The following ZMYM2 variants were observed in gnomAD, a reference collection of about 807,000 sequenced individuals.
ZMYM2 encodes zinc finger MYM-type containing 2, also known as zinc finger MYM-type protein 2.
Under a neutral mutation model 162.8 loss-of-function variants are expected in ZMYM2, and 56 were observed. That is an observed-to-expected ratio of 0.34 (90% CI 0.28 to 0.43). The LOEUF is 0.43. ZMYM2 is among the 20% of genes least tolerant of loss of function. The pLI, the probability that ZMYM2 is intolerant of heterozygous loss-of-function variation, is 1.00. For missense variants in ZMYM2, 1,275 were observed against 1,621.8 expected (o/e 0.79, Z 3.67); for synonymous variants, 510 against 541.6 (o/e 0.94, Z 0.81).
At chr13:19,898,938 T>C in the ZMYM2 span, among the ~76,000 whole-genome samples, 191 of 151,330 alleles carry the variant, frequency 1.3e-3, 3 homozygotes, top group East Asian at 0.036. Context: ...ACTTCTTTTT[T>C]TTTTTTTTTT....
chr13:19,987,454 G>A (rs1163065055), intron 2 of ZMYM2, among the ~76,000 whole-genome samples: 1 of 151,972 alleles, frequency 6.6e-6, no homozygotes, highest in Non-Finnish European at 1.5e-5. Flanking sequence ...TGGTAGAGAT[G>A]GGGTTTCACT....
chr13:20,005,194 A>G lies in ZMYM2; in HGVS notation c.1254A>G (p.Gly418=). The G allele has an allele frequency of 1.9e-6, 3 of 1,584,544 alleles. No homozygotes were observed. Among genetic ancestry groups the G allele is most frequent in the Non-Finnish European group, 2.6e-6 (3 of 1,170,926 alleles). The change falls in exon 5 of 25, where the codon GGA becomes GGG. Residue 418 remains glycine, a synonymous_variant. Transcript: ENST00000610343. The part of the protein sequence containing the change: ...LYEDKQNPTK[G]ALNKSRCTIC... ...AAGACAAACAGAATCCTACTAAAGG[A>G]GCTCTAAATAAATCAAGATGTACAA...
intron 9 of ZMYM2, among the ~76,000 whole-genome samples, chr13:20,030,877 G>A (rs570064255): frequency 5.9e-5 from 9 of 152,326 alleles, no homozygotes; most frequent in East Asian, 1.9e-4. Flanking sequence ...GAAAATTATA[G>A]TAGGGATGCA....
chr13:20,079,939 C>T (rs1593274452), intron 21 of ZMYM2, among the ~76,000 whole-genome samples: 2 of 152,116 alleles, frequency 1.3e-5, no homozygotes, highest in East Asian at 3.8e-4. Context: ...ATATAAATTG[C>T]TATTCTAAAC....
chr13:20,061,805 T>C (rs1956256239), intron 17 of ZMYM2, among the ~76,000 whole-genome samples: 2 of 152,152 alleles, frequency 1.3e-5, no homozygotes, highest in African/African-American at 4.8e-5. Flanking sequence ...GCCAGGCTGA[T>C]CTCAAACTCC....
chr13:19,978,787 C>T (rs73170934), intron 2 of ZMYM2, among the ~76,000 whole-genome samples: 22,238 of 152,086 alleles, frequency 0.15, 2,141 homozygotes, highest in Admixed American at 0.23. Context: ...AGTACATTAC[C>T]GCTGACTTTT....
chr13:19,946,266 C>G, the ZMYM2 span, among the ~76,000 whole-genome samples: 5 of 152,174 alleles, frequency 3.3e-5, no homozygotes, highest in African/African-American at 1.2e-4. Context: ...TATGGCTTTT[C>G]CATGCACTAC....
At chr13:19,905,264 C>T in the ZMYM2 span, among the ~76,000 whole-genome samples, 4 of 152,220 alleles carry the variant, frequency 2.6e-5, no homozygotes, top group Admixed American at 1.3e-4. Context: ...CTGCCCAACT[C>T]GGCCTCCCAA....
At chr13:20,054,381 T>C (rs1955621188) in intron 14 of ZMYM2, among the ~76,000 whole-genome samples, 1 of 152,246 alleles carries the variant, frequency 6.6e-6, no homozygotes, top group Non-Finnish European at 1.5e-5. Context: ...TGAATCCTGA[T>C]TTCAGAACTT....
Position 19,993,270 on chromosome 13 carries a change from A to G in ZMYM2, c.198A>G (p.Val66=), listed in dbSNP as rs756320619. ...DDDDVVFIEP[V]QPPPPSVPVV... is the part of the protein sequence containing the mutation. Reference sequence around the variant, plus strand: ...ATGATGTTGTTTTTATCGAACCTGTACAACCTCCCCCACCTTCTGTACCAG... The same window carrying G: ...ATGATGTTGTTTTTATCGAACCTGTGCAACCTCCCCCACCTTCTGTACCAG... The change falls in exon 3 of 25, where the codon GTA becomes GTG. Residue 66 remains valine (V), a synonymous_variant. Coordinates refer to ENST00000610343, the MANE Select transcript of ZMYM2 (RefSeq NM_197968.4). 2.5e-6 allele frequency: 4 copies of G among 1,614,002 alleles called. No homozygotes were observed. The highest frequency in any genetic ancestry group is 2.5e-6 in the Non-Finnish European group (3 of 1,179,884).
intron 24 of ZMYM2, among the ~76,000 whole-genome samples, chr13:20,084,129 C>G (rs191155986): frequency 6.6e-6 from 1 of 152,302 alleles, no homozygotes; most frequent in African/African-American, 2.4e-5. Context: ...CTCCCACCCT[C>G]TGCCTCCTGA....
chr13:20,067,333 A>G lies in ZMYM2; in HGVS notation c.3396A>G (p.Pro1132=), dbSNP rs754311550. 3.1e-6 allele frequency: 5 copies of G among 1,610,830 alleles called. No homozygotes were observed. Among genetic ancestry groups the G allele is most frequent in the Non-Finnish European group, 4.2e-6 (5 of 1,178,424 alleles). Residue 1132 remains proline (P), a synonymous_variant, in exon 21 of 25, where the codon CCA becomes CCG. Transcript: ENST00000610343. Reference sequence around the variant, plus strand: ...ATTTTGTCAATGAGATCCGACGGCCAAATGGAGAGAATTATGCACCTGACA... The same window carrying G: ...ATTTTGTCAATGAGATCCGACGGCCGAATGGAGAGAATTATGCACCTGACA... ...LAHFVNEIRR[P]NGENYAPDSI... is the part of the protein sequence containing the mutation.
In ZMYM2 at chr13:20,034,239, C is replaced by T. The variant is rs1159553264; in HGVS notation, c.1969-15C>T. The T allele has an allele frequency of 1.9e-6, 3 of 1,541,578 alleles. No homozygotes were observed. Among genetic ancestry groups the T allele is most frequent in the Non-Finnish European group, 2.6e-6 (3 of 1,145,384 alleles). On this transcript the variant is annotated splice_polypyrimidine_tract_variant and intron_variant, in intron 10 of 24. Coordinates refer to ENST00000610343, the MANE Select transcript of ZMYM2 (RefSeq NM_197968.4). ...TGTCGTCATATACTTACCAAGGTTCCCATTGTGCATTTAGAACAAAGTGCA... is the reference window on the plus strand; with the variant it reads ...TGTCGTCATATACTTACCAAGGTTCTCATTGTGCATTTAGAACAAAGTGCA...
chr13:19,994,727 G>C (rs1294592837), intron 3 of ZMYM2, among the ~76,000 whole-genome samples: 1 of 151,886 alleles, frequency 6.6e-6, no homozygotes, highest in African/African-American at 2.4e-5. Context: ...GACCTCAGGT[G>C]ATCTGCCCAC....
chr13:20,085,351 T>C (rs558544971), intron 24 of ZMYM2, among the ~76,000 whole-genome samples: 1 of 152,324 alleles, frequency 6.6e-6, no homozygotes, highest in African/African-American at 2.4e-5. Context: ...TATTTGTTAG[T>C]AGGAAATTCC....
At chr13:20,081,955 T>G (rs1240413886) in intron 21 of ZMYM2, 61 bp from the exon 22 acceptor site, 2 of 1,058,452 alleles carry the variant, frequency 1.9e-6, no homozygotes, top group East Asian at 5.4e-5. Flanking sequence ...GTGTAATATG[T>G]TTACTATAAT....
At chr13:20,052,396 A>G (rs565530623) in intron 14 of ZMYM2, 85 bp downstream of exon 14, 3 of 1,327,184 alleles carry the variant, frequency 2.3e-6, no homozygotes, top group Non-Finnish European at 2.0e-6. Context: ...TGTGATCATA[A>G]TAGTAATTTT....
At chr13:19,886,162 CTTT>C in the ZMYM2 span, among the ~76,000 whole-genome samples, 1,245 of 98,396 alleles carry the variant, frequency 0.013, 20 homozygotes, top group African/African-American at 0.045. Flanking sequence ...TTCTTTCTTT[CTTT>C]TTTTTTTTTT....
chr13:20,016,258 C>T (rs67858423), intron 6 of ZMYM2, among the ~76,000 whole-genome samples: 41,722 of 151,910 alleles, frequency 0.27, 8,882 homozygotes, highest in African/African-American at 0.6. Flanking sequence ...ACAAGTTAAT[C>T]AGCTTTTAAA....
Sources: gnomAD v4.1 joint callset for allele counts (sites outside exome capture counted in the v4.1 genomes callset) on GRCh38, gnomAD v4.1.1 for gene constraint, MANE v1.5 for transcripts, NCBI Gene and HGNC (gene_info 2026-07-23, HGNC 2026-07-21) for gene names.